Variants in ARHGAP24 observed in about 807,000 individuals in gnomAD.
ARHGAP24 encodes the protein rho GTPase-activating protein 24.
In ARHGAP24, 50 loss-of-function variants were observed where a neutral mutation model predicts 76.4. The ratio of observed to expected loss-of-function variants is 0.65; its 90% CI spans 0.52 to 0.83. The LOEUF (loss-of-function observed/expected upper bound fraction) is 0.83. ARHGAP24 is among the 40% of genes least tolerant of loss of function. The pLI, the probability that ARHGAP24 is intolerant of heterozygous loss-of-function variation, is 0.00. For missense variants in ARHGAP24, 930 were observed against 914.2 expected, an observed-to-expected ratio of 1.02 and a Z score of -0.22; for synonymous variants, 345 against 323.3, an observed-to-expected ratio of 1.07 and a Z score of -0.72.
intron 2 of ARHGAP24, among the ~76,000 whole-genome samples, chr4:85,653,637 C>T (rs1162759491): frequency 6.6e-6 from 1 of 151,980 alleles, no homozygotes. Context: ...CTATCCCCAC[C>T]TAATTTTTGT....
chr4:85,827,517 T>TGTGTGTGTGTGTGTGTGTGTGTG (rs1553933033), intron 3 of ARHGAP24, among the ~76,000 whole-genome samples: 6 of 126,204 alleles, frequency 4.8e-5, no homozygotes, highest in African/African-American at 6.3e-5. Flanking sequence ...TGTGTGTGTG[T>TGTGTGTGTGTGTGTGTGTGTGTG]TTAGAGAGAG....
chr4:85,588,476 G>A (rs1407244492), intron 2 of ARHGAP24, among the ~76,000 whole-genome samples: 1 of 152,128 alleles, frequency 6.6e-6, no homozygotes, highest in East Asian at 1.9e-4. Context: ...CTGTTTGATA[G>A]CACTTTTCAT....
intron 1 of ARHGAP24, among the ~76,000 whole-genome samples, chr4:85,480,252 A>G (rs1005539605): frequency 1.3e-5 from 2 of 152,190 alleles, no homozygotes; most frequent in Non-Finnish European, 2.9e-5. Flanking sequence ...AAGGATTTCC[A>G]TGATAAATTC....
At chr4:85,700,130 C>A (rs1312486535) in intron 2 of ARHGAP24, among the ~76,000 whole-genome samples, 3 of 152,116 alleles carry the variant, frequency 2.0e-5, no homozygotes, top group Admixed American at 6.5e-5. Flanking sequence ...CATGGTGCCT[C>A]ACACCTGTAA....
At chr4:85,797,234 G>A (rs747995215) in intron 3 of ARHGAP24, among the ~76,000 whole-genome samples, 4 of 151,684 alleles carry the variant, frequency 2.6e-5, no homozygotes, top group African/African-American at 4.8e-5. Flanking sequence ...GTGCAGTGGC[G>A]CAATCTCGGC....
intron 3 of ARHGAP24, among the ~76,000 whole-genome samples, chr4:85,872,130 G>A (rs1377693929): frequency 6.6e-6 from 1 of 151,562 alleles, no homozygotes; most frequent in Non-Finnish European, 1.5e-5. Flanking sequence ...TTTTCATCTA[G>A]CAAGTTATAT....
At chr4:85,818,738 T>C (rs1729348571) in intron 3 of ARHGAP24, among the ~76,000 whole-genome samples, 1 of 152,188 alleles carries the variant, frequency 6.6e-6, no homozygotes, top group South Asian at 2.1e-4. Context: ...TGGAGAGAAA[T>C]AGGGCTCCAA....
At chr4:85,539,508 T>C (rs887801090) in intron 1 of ARHGAP24, among the ~76,000 whole-genome samples, 2 of 152,140 alleles carry the variant, frequency 1.3e-5, no homozygotes, top group African/African-American at 4.8e-5. Flanking sequence ...ATTTGAAAAA[T>C]CATATCAAAG....
intron 3 of ARHGAP24, among the ~76,000 whole-genome samples, chr4:85,921,692 A>AC (rs747131112): frequency 2.4e-4 from 37 of 151,984 alleles, no homozygotes; most frequent in Non-Finnish European, 5.0e-4. Context: ...AAAGCAGGGG[A>AC]CCCCAACCCC....
Position 85,612,792 on chromosome 4 carries a change from C to CTTT in ARHGAP24, c.180+42091_180+42093dup, listed in dbSNP as rs70948739. ...AGCTAAAGCCCTATCCTTTCCATTCCTTTTTTTTTTTTTTTTTTTTTTGTG... is the reference window on the plus strand; with the variant it reads ...AGCTAAAGCCCTATCCTTTCCATTCCTTTTTTTTTTTTTTTTTTTTTTTTTGTG... On this transcript the variant is annotated intron_variant, in intron 2 of 9. Coordinates refer to ENST00000395184, the MANE Select transcript of ARHGAP24 (RefSeq NM_001025616.3). Among the ~76,000 whole-genome samples, 503 of 82,764 alleles carry CTTT rather than the reference C, an allele frequency of 6.1e-3. 27 individuals carry two copies. The highest frequency in any genetic ancestry group is 0.021 in the African/African-American group (444 of 21,100). The allele number at this position is 82,764 out of a possible 152,430, so 54.3% of individuals were successfully genotyped here.
At chr4:85,870,107 A>G (rs975691999) in intron 3 of ARHGAP24, among the ~76,000 whole-genome samples, 2 of 152,216 alleles carry the variant, frequency 1.3e-5, no homozygotes, top group Admixed American at 6.5e-5. Context: ...CCTGACACAT[A>G]GACAGCACTT....
intron 2 of ARHGAP24, among the ~76,000 whole-genome samples, chr4:85,675,712 C>T (rs1040926475): frequency 5.9e-5 from 9 of 152,218 alleles, no homozygotes; most frequent in East Asian, 1.9e-4. Context: ...CTGAAGTGTG[C>T]GCTTTGCTTT....
intron 1 of ARHGAP24, among the ~76,000 whole-genome samples, chr4:85,480,347 C>T (rs1471501802): frequency 6.6e-6 from 1 of 152,030 alleles, no homozygotes; most frequent in African/African-American, 2.4e-5. Context: ...AAAAGACAGG[C>T]TAAAAATTCA....
rs58504018 is a variant in ARHGAP24 at position 85,738,367 on chromosome 4, TTTATTA to T, written c.268+16427_268+16432del. On this transcript the variant is annotated intron_variant, in intron 3 of 9. Coordinates refer to ENST00000395184, the MANE Select transcript of ARHGAP24 (RefSeq NM_001025616.3). ...CTTTGGCCTAGTTTTCATTTGGGCT[TTTATTA>T]TTATTATTATTATTATTATTATTAT... Among the ~76,000 whole-genome samples, 1,042 of 144,086 alleles carry T rather than the reference TTTATTA, an allele frequency of 7.2e-3. 9 individuals are homozygous for T. The highest frequency in any genetic ancestry group is 0.018 in the African/African-American group (692 of 39,320). 94.5% of individuals were successfully genotyped at this position (144,086 alleles called of 152,430 possible). A position where few individuals can be genotyped will look rare whatever the true frequency, so the allele number is the denominator to read the frequency against.
Position 85,493,049 on chromosome 4 carries a change from T to C in ARHGAP24, c.-21+17490T>C, listed in dbSNP as rs180987832. Among the ~76,000 whole-genome samples the C allele has an allele frequency of 8.5e-5, 13 of 152,330 alleles. No individual in the cohort carries two copies. In the East Asian group the frequency reaches 2.5e-3, roughly 29 times the overall value. On this transcript the variant is annotated intron_variant, in intron 1 of 9. Coordinates refer to ENST00000395184, the MANE Select transcript of ARHGAP24 (RefSeq NM_001025616.3). Reference sequence around the variant, plus strand: ...GAATGTCTCTCACTTTGTGTTCTGATAATAAAAGTCAGGTTGTACATTTTT... The same window carrying C: ...GAATGTCTCTCACTTTGTGTTCTGACAATAAAAGTCAGGTTGTACATTTTT...
chr4:85,554,092 G>T (rs1484009566), intron 1 of ARHGAP24, among the ~76,000 whole-genome samples: 1 of 152,066 alleles, frequency 6.6e-6, no homozygotes, highest in Non-Finnish European at 1.5e-5. Flanking sequence ...AAAATTATTG[G>T]TTGCAAATTC....
At chr4:85,851,214 T>G (rs956004719) in intron 3 of ARHGAP24, among the ~76,000 whole-genome samples, 1 of 151,226 alleles carries the variant, frequency 6.6e-6, no homozygotes, top group Non-Finnish European at 1.5e-5. Flanking sequence ...ATGGCTTTCT[T>G]TGTCTCTTTT....
intron 2 of ARHGAP24, among the ~76,000 whole-genome samples, chr4:85,665,119 A>G (rs1722561627): frequency 1.3e-5 from 2 of 152,148 alleles, no homozygotes; most frequent in African/African-American, 2.4e-5. Flanking sequence ...TGGGGTGTTA[A>G]AGTCTCCCAT....
chr4:85,591,939 A>G (rs1211891454), intron 2 of ARHGAP24, among the ~76,000 whole-genome samples: 1 of 152,184 alleles, frequency 6.6e-6, no homozygotes, highest in Non-Finnish European at 1.5e-5. Flanking sequence ...CACCACCACA[A>G]TAACAAATTT....
Sources: allele counts gnomAD v4.1 joint callset (sites outside exome capture counted in the v4.1 genomes callset), GRCh38; gene constraint gnomAD v4.1.1; transcripts MANE v1.5; gene names NCBI Gene and HGNC (gene_info 2026-07-23, HGNC 2026-07-21).